The following PAPPA variants were observed in gnomAD, a reference collection of about 807,000 sequenced individuals.
PAPPA encodes pappalysin 1.
In PAPPA, 60 loss-of-function variants were observed where a neutral mutation model predicts 164.0. That is an observed-to-expected ratio of 0.37 (90% CI 0.30 to 0.45). The LOEUF (loss-of-function observed/expected upper bound fraction) is 0.45, where lower values mean the gene tolerates loss of function less well. Ranked by LOEUF, PAPPA falls within the 20% of genes least tolerant of loss-of-function variation. PAPPA has a pLI of 1.00. For synonymous variants in PAPPA, 875 were observed against 814.1 expected, an observed-to-expected ratio of 1.07 and a Z score of -1.27; for missense variants, 1,782 against 2,087.3, an observed-to-expected ratio of 0.85 and a Z score of 2.85.
chr9:116,222,269 T>C (rs1280604688), intron 5 of PAPPA, among the ~76,000 whole-genome samples: 3 of 152,170 alleles, frequency 2.0e-5, no homozygotes, highest in Non-Finnish European at 4.4e-5. Flanking sequence ...GTACAGATGG[T>C]CTCCAATTTA....
At chr9:116,333,883 C>T (rs1231087531) in intron 12 of PAPPA, among the ~76,000 whole-genome samples, 1 of 152,168 alleles carries the variant, frequency 6.6e-6, no homozygotes, top group Non-Finnish European at 1.5e-5. Context: ...CACCATCTTC[C>T]TCAGTCTATG....
At chr9:116,211,537 T>A in intron 3 of PAPPA, 102 bp from the exon 4 acceptor site, 1 of 991,284 alleles carries the variant, frequency 1.0e-6, no homozygotes. Context: ...GAAGCTTGTG[T>A]TTATTTTGGG....
intron 1 of PAPPA, among the ~76,000 whole-genome samples, chr9:116,167,348 T>A (rs376466955): frequency 6.6e-6 from 1 of 152,236 alleles, no homozygotes; most frequent in East Asian, 1.9e-4. Flanking sequence ...ATAGTTGTAA[T>A]GTGGTATTGT....
intron 20 of PAPPA, among the ~76,000 whole-genome samples, chr9:116,381,407 TCA>T (rs1376613527): frequency 6.6e-6 from 1 of 152,176 alleles, no homozygotes; most frequent in African/African-American, 2.4e-5. Flanking sequence ...CATGAAGAGC[TCA>T]CAGTCTTGCA....
chr9:116,267,868 C>T (rs10983094), intron 8 of PAPPA, among the ~76,000 whole-genome samples: 49,846 of 125,560 alleles, frequency 0.4, 9,368 homozygotes, highest in East Asian at 0.69. Flanking sequence ...GGCGACAGAG[C>T]GAGACTCCGT....
chr9:116,227,847 T>G (rs1441442328), intron 6 of PAPPA, among the ~76,000 whole-genome samples: 1 of 152,130 alleles, frequency 6.6e-6, no homozygotes, highest in Non-Finnish European at 1.5e-5. Context: ...TTGGGGGTAT[T>G]TATATATCCT....
chr9:116,247,508 CCTA>C (rs1243880539), intron 7 of PAPPA, among the ~76,000 whole-genome samples: 1 of 152,120 alleles, frequency 6.6e-6, no homozygotes, highest in Non-Finnish European at 1.5e-5. Context: ...CCTGGTGTCA[CCTA>C]CTACTTTGTT....
intron 4 of PAPPA, among the ~76,000 whole-genome samples, chr9:116,218,307 C>A (rs1844401354): frequency 1.3e-5 from 2 of 152,182 alleles, no homozygotes; most frequent in Non-Finnish European, 2.9e-5. Context: ...ATATAGCTGT[C>A]CAGCACCTGC....
At chr9:116,344,104 T>G (rs1846175514) in intron 13 of PAPPA, among the ~76,000 whole-genome samples, 1 of 152,170 alleles carries the variant, frequency 6.6e-6, no homozygotes, top group East Asian at 1.9e-4. Context: ...ATGCCAGGAG[T>G]TCTGCTATGC....
chr9:116,364,671 G>A (rs777013790), intron 18 of PAPPA, among the ~76,000 whole-genome samples: 12 of 152,124 alleles, frequency 7.9e-5, no homozygotes, highest in Non-Finnish European at 1.5e-4. Context: ...CCTCACAGAC[G>A]CATTTACATA....
At chr9:116,252,349 A>G (rs904799451) in intron 7 of PAPPA, among the ~76,000 whole-genome samples, 6 of 152,216 alleles carry the variant, frequency 3.9e-5, no homozygotes, top group African/African-American at 1.4e-4. Flanking sequence ...CATTTATTTA[A>G]TCCAGACAAT....
At chr9:116,222,704 G>A (rs1844460628) in intron 5 of PAPPA, among the ~76,000 whole-genome samples, 1 of 146,040 alleles carries the variant, frequency 6.8e-6, no homozygotes, top group Non-Finnish European at 1.5e-5. Flanking sequence ...GGTGAGTGGG[G>A]AAAGGGACGA....
At chr9:116,181,066 A>T (rs1843898883) in intron 1 of PAPPA, among the ~76,000 whole-genome samples, 1 of 152,230 alleles carries the variant, frequency 6.6e-6, no homozygotes, top group Non-Finnish European at 1.5e-5. Context: ...TACTCAAAAC[A>T]GCAATTGAGT....
At chr9:116,167,249 T>C (rs1354974515) in intron 1 of PAPPA, among the ~76,000 whole-genome samples, 2 of 152,190 alleles carry the variant, frequency 1.3e-5, no homozygotes, top group Non-Finnish European at 2.9e-5. Flanking sequence ...TGGCATAGTG[T>C]TTGTGAATAA....
chr9:116,396,684 A>C lies in PAPPA; in HGVS notation c.*68A>C. ...CACATCCCTTTGGTATTGATTTCACAGTCAGCTGCTCAACGGAATGGCCTC... is the reference window on the plus strand; with the variant it reads ...CACATCCCTTTGGTATTGATTTCACCGTCAGCTGCTCAACGGAATGGCCTC... On this transcript the variant is annotated 3_prime_UTR_variant, in exon 22 of 22. Coordinates refer to ENST00000328252, the MANE Select transcript of PAPPA (RefSeq NM_002581.5). 1.3e-6 allele frequency: 1 copy of C among 747,106 alleles called. No individual in the cohort carries two copies. The highest frequency in any genetic ancestry group is 2.5e-6 in the Non-Finnish European group (1 of 400,144). The allele number at this position is 747,106 out of a possible 1,614,324, so 46.3% of individuals were successfully genotyped here. A position where few individuals can be genotyped will look rare whatever the true frequency, so the allele number is the denominator to read the frequency against.
At chr9:116,342,643 GAAAACAAAAAACAA>G (rs557697448) in intron 13 of PAPPA, among the ~76,000 whole-genome samples, 1 of 151,880 alleles carries the variant, frequency 6.6e-6, no homozygotes. Flanking sequence ...GAAACTGAGA[GAAAACAAAAAACAA>G]AAAACAAAAA....
Position 116,235,656 on chromosome 9 carries a change from T to C in PAPPA, c.2732+19T>C. ...TAGACATGTAAGTGCATTCTCTGAA[T>C]AGGGAGTTTATTAAGTGGGTGGGTT... On this transcript the variant is annotated intron_variant, in intron 7 of 21. Transcript: ENST00000328252. 6.2e-7 allele frequency: 1 copy of C among 1,612,102 alleles called. No individual in the cohort carries two copies. Among genetic ancestry groups the C allele is most frequent in the South Asian group, 1.1e-5 (1 of 90,980 alleles).
chr9:116,156,332 G>GTATA (rs1270512798), intron 1 of PAPPA, among the ~76,000 whole-genome samples: 1 of 44,770 alleles, frequency 2.2e-5, no homozygotes, highest in Admixed American at 1.8e-4. Flanking sequence ...ATATATATAT[G>GTATA]TGTATATATA....
intron 10 of PAPPA, among the ~76,000 whole-genome samples, chr9:116,310,808 T>C (rs1350479109): frequency 6.6e-6 from 1 of 152,198 alleles, no homozygotes; most frequent in Non-Finnish European, 1.5e-5. Context: ...TTTTCAGTTC[T>C]AGAGTCCACC....
Sources: gnomAD v4.1 joint callset for allele counts (sites outside exome capture counted in the v4.1 genomes callset) on GRCh38, gnomAD v4.1.1 for gene constraint, MANE v1.5 for transcripts, NCBI Gene and HGNC (gene_info 2026-07-23, HGNC 2026-07-21) for gene names.